Variants in FGF12 observed in about 807,000 individuals in gnomAD.
The protein encoded by FGF12 is fibroblast growth factor 12B.
A neutral mutation model predicts 23.6 loss-of-function variants in FGF12; 14 were observed. The ratio of observed to expected loss-of-function variants is 0.59; its 90% CI spans 0.39 to 0.93. FGF12 has a LOEUF of 0.93. FGF12 is among the 40% of genes least tolerant of loss of function. FGF12 has a pLI of 0.00. For synonymous variants in FGF12, 62 were observed against 77.3 expected (o/e 0.80, Z 1.04); for missense variants, 175 against 217.8 (o/e 0.80, Z 1.24).
At chr3:192,599,458 A>G (rs1714016961) in intron 2 of FGF12, among the ~76,000 whole-genome samples, 1 of 151,968 alleles carries the variant, frequency 6.6e-6, no homozygotes, top group East Asian at 1.9e-4. Context: ...CTACCTCAGA[A>G]GGTAGTTCTG....
intron 2 of FGF12, among the ~76,000 whole-genome samples, chr3:192,610,577 T>A (rs1170690473): frequency 1.3e-5 from 2 of 152,054 alleles, no homozygotes; most frequent in African/African-American, 2.4e-5. Context: ...TCCATTACCT[T>A]GTTCAGTTTA....
intron 2 of FGF12, among the ~76,000 whole-genome samples, chr3:192,659,556 C>A (rs1000322175): frequency 5.9e-5 from 9 of 152,148 alleles, no homozygotes; most frequent in African/African-American, 2.2e-4. Context: ...GTTAACTAAG[C>A]CATCTAGGAT....
At chr3:192,459,514 T>C (rs1262882833) in intron 2 of FGF12, among the ~76,000 whole-genome samples, 4 of 152,196 alleles carry the variant, frequency 2.6e-5, no homozygotes, top group Admixed American at 2.6e-4. Flanking sequence ...AAACTGTGAA[T>C]CTTATTTGAT....
At chr3:192,439,203 G>T (rs915327156) in intron 2 of FGF12, among the ~76,000 whole-genome samples, 29 of 152,088 alleles carry the variant, frequency 1.9e-4, no homozygotes, top group African/African-American at 6.5e-4. Context: ...TACTACAATG[G>T]CCCCTTCAGA....
At chr3:192,310,447 C>T (rs1255945078) in intron 4 of FGF12, among the ~76,000 whole-genome samples, 1 of 152,066 alleles carries the variant, frequency 6.6e-6, no homozygotes, top group East Asian at 1.9e-4. Flanking sequence ...AATATTTATA[C>T]TTAAAACTGC....
chr3:192,529,136 T>A (rs982680664), intron 2 of FGF12, among the ~76,000 whole-genome samples: 12 of 152,230 alleles, frequency 7.9e-5, no homozygotes, highest in African/African-American at 2.7e-4. Flanking sequence ...TCCCAACTTT[T>A]ACGCTCTCTT....
chr3:192,371,544 T>G (rs1560089107), intron 2 of FGF12, among the ~76,000 whole-genome samples: 1 of 152,240 alleles, frequency 6.6e-6, no homozygotes, highest in Non-Finnish European at 1.5e-5. Flanking sequence ...GCCACGCTTA[T>G]ATGGTAGATT....
chr3:192,576,658 A>G (rs565375801), intron 2 of FGF12, among the ~76,000 whole-genome samples: 2 of 152,318 alleles, frequency 1.3e-5, no homozygotes, highest in South Asian at 4.1e-4. Flanking sequence ...TATGGAAAAA[A>G]AATGCTCATA....
chr3:192,547,025 T>A (rs1560146429), intron 2 of FGF12, among the ~76,000 whole-genome samples: 1 of 152,168 alleles, frequency 6.6e-6, no homozygotes, highest in Non-Finnish European at 1.5e-5. Flanking sequence ...CACTCCAGCC[T>A]GGGCAACAGA....
At chr3:192,176,966 T>C (rs2108628041) in intron 4 of FGF12, among the ~76,000 whole-genome samples, 1 of 152,362 alleles carries the variant, frequency 6.6e-6, no homozygotes, top group South Asian at 2.1e-4. Context: ...TTTGATTTAC[T>C]AATAATGTTT....
At chr3:192,604,864 C>T (rs1480905991) in intron 2 of FGF12, among the ~76,000 whole-genome samples, 2 of 152,010 alleles carry the variant, frequency 1.3e-5, no homozygotes, top group Non-Finnish European at 2.9e-5. Flanking sequence ...AGATATAGAC[C>T]AATGGAACAG....
intron 4 of FGF12, among the ~76,000 whole-genome samples, chr3:192,191,330 C>T (rs893710737): frequency 1.3e-5 from 2 of 152,076 alleles, no homozygotes; most frequent in African/African-American, 2.4e-5. Flanking sequence ...TCCACACTCG[C>T]AGAATGTAAA....
intron 2 of FGF12, among the ~76,000 whole-genome samples, chr3:192,615,148 A>G (rs1240302977): frequency 6.6e-6 from 1 of 151,896 alleles, no homozygotes; most frequent in East Asian, 1.9e-4. Flanking sequence ...TACAGTATTG[A>G]TTTTGTGTGT....
intron 2 of FGF12, among the ~76,000 whole-genome samples, chr3:192,556,537 A>C (rs577792839): frequency 6.6e-6 from 1 of 152,296 alleles, no homozygotes; most frequent in African/African-American, 2.4e-5. Flanking sequence ...CACTGATAGA[A>C]CTGAAGGGAG....
intron 3 of FGF12, among the ~76,000 whole-genome samples, chr3:192,355,483 T>G (rs1718429423): frequency 6.6e-6 from 1 of 152,234 alleles, no homozygotes; most frequent in East Asian, 1.9e-4. Context: ...TGCTTTTGAC[T>G]GTGTCAATGA....
intron 2 of FGF12, among the ~76,000 whole-genome samples, chr3:192,714,612 G>A (rs1051167108): frequency 1.4e-5 from 2 of 140,828 alleles, no homozygotes; most frequent in African/African-American, 2.7e-5. Context: ...TCCGCCTCCC[G>A]GGTTCACGCC....
At chr3:192,328,581 T>C (rs1716946770) in intron 4 of FGF12, among the ~76,000 whole-genome samples, 1 of 152,184 alleles carries the variant, frequency 6.6e-6, no homozygotes, top group South Asian at 2.1e-4. Context: ...TGTCCCTCTC[T>C]CAAAGATAAA....
intron 2 of FGF12, among the ~76,000 whole-genome samples, chr3:192,706,913 G>T (rs1419690431): frequency 6.6e-6 from 1 of 152,194 alleles, no homozygotes; most frequent in African/African-American, 2.4e-5. Context: ...TATTAATATA[G>T]AAGATGATTT....
chr3:192,383,235 C>T (rs1162771242), intron 2 of FGF12, among the ~76,000 whole-genome samples: 3 of 152,144 alleles, frequency 2.0e-5, no homozygotes, highest in African/African-American at 7.2e-5. Flanking sequence ...AATGAACATA[C>T]TTCTCTCCTT....
Sources: gnomAD v4.1 joint callset for allele counts (sites outside exome capture counted in the v4.1 genomes callset) on GRCh38, gnomAD v4.1.1 for gene constraint, MANE v1.5 for transcripts, NCBI Gene and HGNC (gene_info 2026-07-23, HGNC 2026-07-21) for gene names.